The following KBTBD11 variants were observed in gnomAD, a reference collection of about 807,000 sequenced individuals.
KBTBD11 encodes the protein kelch repeat and BTB domain-containing protein 11.
For missense variants in KBTBD11, 1,390 were observed against 1,001.8 expected, an observed-to-expected ratio of 1.39 and a Z score of -5.23; for synonymous variants, 747 against 499.0, an observed-to-expected ratio of 1.50 and a Z score of -6.63.
At chr8:1,993,524 TCCATCCACCCACCCACCCACCCACC>T in intron 1 of KBTBD11, among the ~76,000 whole-genome samples, 1 of 91,306 alleles carries the variant, frequency 1.1e-5, no homozygotes, top group East Asian at 4.6e-4. Flanking sequence ...CATCCACCCA[TCCATCCACCCACCCACCCACCCACC>T]CACCCACCCA....
chr8:1,991,285 A>G (rs1374079937), intron 1 of KBTBD11, among the ~76,000 whole-genome samples: 1 of 152,244 alleles, frequency 6.6e-6, no homozygotes, highest in African/African-American at 2.4e-5. Context: ...GTTGAACTCC[A>G]GGACTGCCTG....
In KBTBD11 at chr8:2,002,951, C is replaced by A; in HGVS notation, c.1759C>A (p.Gln587Lys). 1 of 1,320,058 alleles carries A rather than the reference C, an allele frequency of 7.6e-7. No individual in the cohort carries two copies. The highest frequency in any genetic ancestry group is 2.0e-5 in the South Asian group (1 of 49,516). 81.8% of individuals were successfully genotyped at this position (1,320,058 alleles called of 1,614,324 possible). ...AGGCGAGGCCGGCGGCGACGCAGGCCAGGGCGGCGGCTTCGAGGCGCTGGG... is the reference window on the plus strand; with the variant it reads ...AGGCGAGGCCGGCGGCGACGCAGGCAAGGGCGGCGGCTTCGAGGCGCTGGG... ...REGEAGGDAGQGGGFEALGAP... is the reference protein window; with the variant it reads ...REGEAGGDAGKGGGFEALGAP... The change falls in exon 2 of 2, where the codon CAG becomes AAG. Residue 587 changes from glutamine (Q) to lysine (K), a missense_variant. Gln to Lys is a moderately conservative substitution (Grantham distance 53). Transcript: ENST00000320248. The surrounding 1 kb of genome is among the most constrained non-coding windows in gnomAD (Gnocchi z 4.1).
intron 1 of KBTBD11, among the ~76,000 whole-genome samples, chr8:1,993,865 T>C (rs1245035738): frequency 6.6e-6 from 1 of 150,688 alleles, no homozygotes; most frequent in Non-Finnish European, 1.5e-5. Context: ...GGGGTTGTCT[T>C]AGGCATCAAG....
intron 1 of KBTBD11, among the ~76,000 whole-genome samples, chr8:1,979,764 G>C (rs1472315728): frequency 3.3e-5 from 1 of 29,982 alleles, no homozygotes; most frequent in African/African-American, 7.3e-5. Flanking sequence ...TGGCAGACAG[G>C]GGTGTGTGGC....
At chr8:1,996,028 A>T (rs1208753148) in intron 1 of KBTBD11, among the ~76,000 whole-genome samples, 1 of 151,976 alleles carries the variant, frequency 6.6e-6, no homozygotes, top group Non-Finnish European at 1.5e-5. Context: ...TGTCTCAAAA[A>T]ACAAACAAAC....
intron 1 of KBTBD11, among the ~76,000 whole-genome samples, chr8:1,999,775 C>T (rs1315684123): frequency 6.6e-6 from 1 of 152,164 alleles, no homozygotes; most frequent in African/African-American, 2.4e-5. Flanking sequence ...ATCCTAACGC[C>T]TTTCTACAAA....
At chr8:1,984,885 C>T (rs1003033115) in intron 1 of KBTBD11, among the ~76,000 whole-genome samples, 10 of 152,136 alleles carry the variant, frequency 6.6e-5, no homozygotes, top group African/African-American at 1.4e-4. Context: ...TTGGCCTTCT[C>T]GGCTGTTATC....
At position 2,004,780 on chromosome 8, in the gene KBTBD11, C is replaced by CT. The variant is rs1473317261; in HGVS notation, c.*1720dup. On this transcript the variant is annotated 3_prime_UTR_variant, in exon 2 of 2. Coordinates refer to ENST00000320248, the MANE Select transcript of KBTBD11 (RefSeq NM_014867.3). ...CTTCATATCGCCTGACTTGATTGGCCTTTTATAGGAGTATACTGGAGAAAT... is the reference window on the plus strand; with the variant it reads ...CTTCATATCGCCTGACTTGATTGGCCTTTTTATAGGAGTATACTGGAGAAAT... 1 of 166,916 alleles carries CT rather than the reference C, an allele frequency of 6.0e-6. No individual in the cohort carries two copies. The highest frequency in any genetic ancestry group is 1.5e-5 in the Non-Finnish European group (1 of 68,122). 10.3% of individuals were successfully genotyped at this position (166,916 alleles called of 1,614,324 possible).
In KBTBD11 at chr8:2,001,589, T is replaced by G. The variant is rs1242318389; in HGVS notation, c.397T>G (p.Phe133Val). The G allele has an allele frequency of 6.8e-7, 1 of 1,461,162 alleles. No individual in the cohort carries two copies. The highest frequency in any genetic ancestry group is 2.4e-5 in the Admixed American group (1 of 40,942). The allele number at this position is 1,461,162 out of a possible 1,614,324, so 90.5% of individuals were successfully genotyped here. A position where few individuals can be genotyped will look rare whatever the true frequency, so the allele number is the denominator to read the frequency against. ...GGAGCCCGCGCCCGTACCCCCGGGG[T>G]TCGGGGCGGTGTACGGGGAGCCGGA... ...PGEPAPVPPGFGAVYGEPDLV... is the reference protein window; with the variant it reads ...PGEPAPVPPGVGAVYGEPDLV... Residue 133 changes from phenylalanine (F) to valine (V), a missense_variant, in exon 2 of 2, where the codon TTC becomes GTC. By Grantham distance (50) the Phe-to-Val change is conservative. Transcript: ENST00000320248.
rs898911666 is a variant in KBTBD11 at position 2,001,384 on chromosome 8, C to A, written c.192C>A (p.Ser64=). 1.4e-6 allele frequency: 2 copies of A among 1,457,986 alleles called. No homozygotes were observed. Among genetic ancestry groups the A allele is most frequent in the Non-Finnish European group, 1.8e-6 (2 of 1,108,272 alleles). The allele number at this position is 1,457,986 out of a possible 1,614,324, so 90.3% of individuals were successfully genotyped here. The change falls in exon 2 of 2, where the codon TCC becomes TCA. Residue 64 remains serine, a synonymous_variant. Coordinates refer to ENST00000320248, the MANE Select transcript of KBTBD11 (RefSeq NM_014867.3). ...CAGCGGCGGAAGGCGCGGCCACCTC[C>A]CCGCCCTCCAGCGGTGGCCCGCGGG... ...LASAAEGAAT[S]PPSSGGPRVV... is the part of the protein sequence containing the mutation.
rs1817507849 is a variant in KBTBD11 at position 2,004,340 on chromosome 8, C to A, written c.*1276C>A. The A allele has an allele frequency of 6.0e-6, 1 of 166,806 alleles. No homozygotes were observed. Among genetic ancestry groups the A allele is most frequent in the Non-Finnish European group, 1.5e-5 (1 of 68,128 alleles). 10.3% of individuals were successfully genotyped at this position (166,806 alleles called of 1,614,324 possible). ...TTCAAGTGTGTATACAGAGGACTTA[C>A]TATTATGACTTTGAGGATGAGATCC... On this transcript the variant is annotated 3_prime_UTR_variant, in exon 2 of 2. Transcript: ENST00000320248.
Position 2,003,030 on chromosome 8 carries a change from A to G in KBTBD11, c.1838A>G (p.Glu613Gly). 12 of 1,274,554 alleles carry G rather than the reference A, an allele frequency of 9.4e-6. No homozygotes were observed. The highest frequency in any genetic ancestry group is 1.2e-5 in the Non-Finnish European group (12 of 1,009,364). 79.0% of individuals were successfully genotyped at this position (1,274,554 alleles called of 1,614,324 possible). A position where few individuals can be genotyped will look rare whatever the true frequency, so the allele number is the denominator to read the frequency against. Residue 613 changes from glutamate to glycine, a missense_variant, in exon 2 of 2, where the codon GAG becomes GGG. By Grantham distance (98) the Glu-to-Gly change is moderately conservative. Coordinates refer to ENST00000320248, the MANE Select transcript of KBTBD11 (RefSeq NM_014867.3). ...VLIPFALSLPEKPPRGEQGAP is the reference protein window; with the variant it reads ...VLIPFALSLPGKPPRGEQGAP ...ATCCCGTTCGCTCTCAGCCTGCCTG[A>G]GAAGCCGCCCCGAGGGGAGCAGGGC...
In KBTBD11 at chr8:1,993,205, C is replaced by G. The variant is rs570239792; in HGVS notation, c.-908-7080C>G. Among the ~76,000 whole-genome samples, 4 of 152,242 alleles carry G rather than the reference C, an allele frequency of 2.6e-5. 1 individual carries two copies. The highest frequency in any genetic ancestry group is 9.6e-5 in the African/African-American group (4 of 41,478). ...CAGGTTATCCACCCACCTCAGCCTT[C>G]TGAAGTGCTGGGATTACAGTCATGA... On this transcript the variant is annotated intron_variant, in intron 1 of 1. Transcript: ENST00000320248.
chr8:2,001,309 G>T lies in KBTBD11; in HGVS notation c.117G>T (p.Ala39=). 1 of 1,524,458 alleles carries T rather than the reference G, an allele frequency of 6.6e-7. No individual in the cohort carries two copies. Among genetic ancestry groups the T allele is most frequent in the East Asian group, 2.6e-5 (1 of 38,616 alleles). The allele number at this position is 1,524,458 out of a possible 1,614,324, so 94.4% of individuals were successfully genotyped here. The stretch of plus-strand genomic sequence containing the variant: ...CGCAGACACCCTGCAGTCTCGGCGC[G>T]TCCCTGTGCTTCAGCTCCGGGGAAG... The part of the protein sequence containing the change: ...SPAQTPCSLG[A]SLCFSSGEES... The change falls in exon 2 of 2, where the codon GCG becomes GCT. Residue 39 remains alanine (A), a synonymous_variant. Transcript: ENST00000320248.
chr8:1,976,330 A>G (rs1816342404), intron 1 of KBTBD11: 1 of 152,058 alleles, frequency 6.6e-6, no homozygotes, highest in African/African-American at 2.4e-5. Context: ...AGCTAAAAGT[A>G]TAGTGTTGGT....
At chr8:1,987,639 A>G (rs1816748332) in intron 1 of KBTBD11, among the ~76,000 whole-genome samples, 1 of 151,858 alleles carries the variant, frequency 6.6e-6, no homozygotes, top group Non-Finnish European at 1.5e-5. Flanking sequence ...CTCCTCTCTC[A>G]TGCTGCAGCA....
intron 1 of KBTBD11, among the ~76,000 whole-genome samples, chr8:1,988,390 C>G (rs1223741235): frequency 6.6e-6 from 1 of 152,158 alleles, no homozygotes; most frequent in Non-Finnish European, 1.5e-5. Context: ...CTCTCCAGCA[C>G]CTGTTGTTTC....
rs1816209212 is a variant in KBTBD11, at chr8:1,973,877, G to C, written c.-967G>C. 2.0e-6 allele frequency: 2 copies of C among 982,874 alleles called. No individual in the cohort carries two copies. Among genetic ancestry groups the C allele is most frequent in the African/African-American group, 1.8e-5 (1 of 56,790 alleles). The allele number at this position is 982,874 out of a possible 1,614,324, so 60.9% of individuals were successfully genotyped here. Reference sequence around the variant, plus strand: ...GGGAAGCGGCCGCGCGCATGCGCCGGAGCCCACCCGCCTGGCTGCGCGTCC... The same window carrying C: ...GGGAAGCGGCCGCGCGCATGCGCCGCAGCCCACCCGCCTGGCTGCGCGTCC... On this transcript the variant is annotated 5_prime_UTR_variant, in exon 1 of 2. Transcript: ENST00000320248.
chr8:1,989,895 T>A (rs1025268769), intron 1 of KBTBD11, among the ~76,000 whole-genome samples: 2 of 144,968 alleles, frequency 1.4e-5, no homozygotes, highest in Admixed American at 7.2e-5. Context: ...GCCAGCTCAC[T>A]AGGGAACAGA....
Sources: gnomAD v4.1 joint callset for allele counts (sites outside exome capture counted in the v4.1 genomes callset) on GRCh38, gnomAD v4.1.1 for gene constraint, Gnocchi (gnomAD v3.1) non-coding constraint, MANE v1.5 for transcripts, NCBI Gene and HGNC (gene_info 2026-07-23, HGNC 2026-07-21) for gene names.